Variants in DCAF6 observed in about 807,000 individuals in gnomAD.
The protein encoded by DCAF6 is DDB1- and CUL4-associated factor 6.
DCAF6 carries 54 observed loss-of-function variants against 125.1 expected under a neutral mutation model. The ratio of observed to expected loss-of-function variants is 0.43; its 90% CI spans 0.35 to 0.54. DCAF6 has a LOEUF of 0.54. Ranked by LOEUF, DCAF6 falls within the 20% of genes least tolerant of loss-of-function variation. The pLI is 0.01. For synonymous variants in DCAF6, 371 were observed against 390.4 expected (o/e 0.95, Z 0.58); for missense variants, 934 against 1,161.7 (o/e 0.80, Z 2.85).
At position 167,936,978 on chromosome 1, in the gene DCAF6, G is replaced by A. The variant is rs1215018792; in HGVS notation, c.67G>A (p.Asp23Asn). The change falls in exon 1 of 22, where the codon GAC (aspartate) becomes AAC (asparagine). Residue 23 changes from aspartate to asparagine, a missense_variant. This residue lies in a region of DCAF6 where 309 missense variants were observed against 381.2 expected (regional missense o/e 0.81). Transcript: ENST00000367840. ...GAGGAAAAGGTCCCTCGGGCTGGAG[G>A]ACCCGTCCCGGCTGCGGAGTCGCTA... Reference protein sequence around the residue: ...DVRKRSLGLEDPSRLRSRYLG... With the variant: ...DVRKRSLGLENPSRLRSRYLG... 2 of 1,611,004 alleles carry A rather than the reference G, an allele frequency of 1.2e-6. No homozygotes were observed. Among genetic ancestry groups the A allele is most frequent in the Non-Finnish European group, 1.7e-6 (2 of 1,179,166 alleles).
intron 12 of DCAF6, among the ~76,000 whole-genome samples, chr1:168,024,265 T>G (rs1355627791): frequency 6.6e-6 from 1 of 151,388 alleles, no homozygotes; most frequent in Non-Finnish European, 1.5e-5. Context: ...GGTGATTGCC[T>G]TTATATATTT....
chr1:167,929,263 G>A, the DCAF6 span, among the ~76,000 whole-genome samples: 14 of 152,114 alleles, frequency 9.2e-5, no homozygotes, highest in African/African-American at 3.4e-4. Flanking sequence ...GAAGGTTGAG[G>A]CAGGGGAATC....
At chr1:168,062,834 A>G (rs958972430) in intron 17 of DCAF6, among the ~76,000 whole-genome samples, 3 of 151,708 alleles carry the variant, frequency 2.0e-5, no homozygotes, top group African/African-American at 7.3e-5. Context: ...CTGCTTCATT[A>G]GTTCTAAATT....
At chr1:167,868,114 T>C in the DCAF6 span, among the ~76,000 whole-genome samples, 1 of 152,220 alleles carries the variant, frequency 6.6e-6, no homozygotes, top group African/African-American at 2.4e-5. Flanking sequence ...TATTTCAGAC[T>C]TTCTATGATT....
rs1691901941 is a variant in DCAF6 at position 168,063,682 on chromosome 1, G to A, written c.2362G>A (p.Glu788Lys). The change falls in exon 18 of 22, where the codon GAA becomes AAA. Residue 788 changes from glutamate (E) to lysine (K), a missense_variant. Glu to Lys is a moderately conservative substitution (Grantham distance 56). Coordinates refer to ENST00000367840, the MANE Select transcript of DCAF6 (RefSeq NM_001198956.2). The part of the protein sequence containing the change: ...FRRRKERKEM[E>K]ELDTLNIRRP... ...ACGGAGAAAAGAAAGGAAAGAAATGGAAGAATTGGATACTTTGAACATTAG... is the reference window on the plus strand; with the variant it reads ...ACGGAGAAAAGAAAGGAAAGAAATGAAAGAATTGGATACTTTGAACATTAG... The A allele has an allele frequency of 6.2e-7, 1 of 1,603,292 alleles. No homozygotes were observed. Among genetic ancestry groups the A allele is most frequent in the South Asian group, 1.1e-5 (1 of 89,188 alleles).
At chr1:167,958,767 G>T (rs1197641386) in intron 2 of DCAF6, among the ~76,000 whole-genome samples, 3 of 152,028 alleles carry the variant, frequency 2.0e-5, no homozygotes, top group African/African-American at 7.2e-5. Context: ...TTGAGAGGAA[G>T]GTATGGGAAT....
At chr1:167,869,825 G>C in the DCAF6 span, among the ~76,000 whole-genome samples, 1 of 151,994 alleles carries the variant, frequency 6.6e-6, no homozygotes, top group Non-Finnish European at 1.5e-5. Flanking sequence ...CTAGCCTGCC[G>C]ATTCTCCCAG....
At chr1:167,896,751 T>C in the DCAF6 span, 4 of 1,189,468 alleles carry the variant, frequency 3.4e-6, no homozygotes, top group African/African-American at 6.0e-5. Context: ...TCCTTTGAAG[T>C]GTAATTTCTT....
intron 2 of DCAF6, among the ~76,000 whole-genome samples, chr1:167,965,667 G>A (rs61807028): frequency 0.024 from 3,676 of 151,906 alleles, 71 homozygotes; most frequent in Non-Finnish European, 0.04. Flanking sequence ...TTGCTCTGTC[G>A]CGTAGGCTGG....
At chr1:167,887,255 A>T in the DCAF6 span, among the ~76,000 whole-genome samples, 6 of 152,354 alleles carry the variant, frequency 3.9e-5, no homozygotes, top group African/African-American at 1.4e-4. Context: ...ATGTATGTTT[A>T]TTGTGGCACT....
intron 5 of DCAF6, among the ~76,000 whole-genome samples, chr1:167,989,785 G>C (rs1210431662): frequency 3.3e-5 from 5 of 152,028 alleles, no homozygotes; most frequent in Non-Finnish European, 5.9e-5. Context: ...GGAGGCTGAG[G>C]CTGGAGAATC....
At chr1:167,876,612 T>A in the DCAF6 span, among the ~76,000 whole-genome samples, 1 of 152,222 alleles carries the variant, frequency 6.6e-6, no homozygotes, top group Non-Finnish European at 1.5e-5. Flanking sequence ...TCATACTGTG[T>A]GTGTATTTCT....
At position 167,951,810 on chromosome 1, in the gene DCAF6, A is replaced by G. The variant is rs753590536; in HGVS notation, c.108A>G (p.Glu36=). 6.3e-7 allele frequency: 1 copy of G among 1,594,228 alleles called. No homozygotes were observed. The highest frequency in any genetic ancestry group is 1.1e-5 in the South Asian group (1 of 90,396). The change falls in exon 2 of 22, where the codon GAA becomes GAG. Residue 36 remains glutamate, a synonymous_variant. Transcript: ENST00000367840. Reference sequence around the variant, plus strand: ...TTTCTTTTTAAACAGGAAGAAGAGAATTTATCCAAAGATTAAAACTTGAAG... The same window carrying G: ...TTTCTTTTTAAACAGGAAGAAGAGAGTTTATCCAAAGATTAAAACTTGAAG... ...RLRSRYLGRR[E]FIQRLKLEAT... is the part of the protein sequence containing the mutation.
At chr1:168,051,020 A>C (rs1283255325) in intron 17 of DCAF6, 87 bp downstream of exon 17, 9 of 592,400 alleles carry the variant, frequency 1.5e-5, no homozygotes, top group Non-Finnish European at 2.5e-5. Flanking sequence ...TTTCCTATTA[A>C]CAGTTAATAC....
At chr1:167,989,480 A>G (rs1304251542) in intron 5 of DCAF6, among the ~76,000 whole-genome samples, 1 of 152,258 alleles carries the variant, frequency 6.6e-6, no homozygotes. Flanking sequence ...ATCCTTAACT[A>G]CTAAAAACTT....
chr1:167,936,885 C>G lies in DCAF6; in HGVS notation c.-27C>G, dbSNP rs772847109. On this transcript the variant is annotated 5_prime_UTR_variant, in exon 1 of 22. Transcript: ENST00000367840. ...CCTCCCCTCCCCCACGCGGTGGTCTCCCCTCCCACCCGGCTCAGGCAGAGC... is the reference window on the plus strand; with the variant it reads ...CCTCCCCTCCCCCACGCGGTGGTCTGCCCTCCCACCCGGCTCAGGCAGAGC... The G allele has an allele frequency of 4.7e-6, 7 of 1,495,362 alleles. No individual in the cohort carries two copies. Among genetic ancestry groups the G allele is most frequent in the Non-Finnish European group, 3.7e-6 (4 of 1,091,784 alleles). The allele number at this position is 1,495,362 out of a possible 1,614,324, so 92.6% of individuals were successfully genotyped here. A position where few individuals can be genotyped will look rare whatever the true frequency, so the allele number is the denominator to read the frequency against.
intron 2 of DCAF6, among the ~76,000 whole-genome samples, chr1:167,957,840 A>C (rs755113040): frequency 2.0e-4 from 31 of 152,148 alleles, no homozygotes; most frequent in Non-Finnish European, 4.4e-4. Context: ...GTGGATGTGA[A>C]GTGGTAATTT....
chr1:168,030,254 A>G (rs1307154312), intron 12 of DCAF6, among the ~76,000 whole-genome samples: 1 of 152,222 alleles, frequency 6.6e-6, no homozygotes, highest in Non-Finnish European at 1.5e-5. Flanking sequence ...AGGAAGAGAC[A>G]TTAAGCTGAG....
chr1:167,906,242 T>C, the DCAF6 span, among the ~76,000 whole-genome samples: 1 of 152,030 alleles, frequency 6.6e-6, no homozygotes, highest in African/African-American at 2.4e-5. Flanking sequence ...CATTTAAAAA[T>C]GTATTTAGTA....
Sources: allele counts gnomAD v4.1 joint callset (sites outside exome capture counted in the v4.1 genomes callset), GRCh38; gene constraint gnomAD v4.1.1; regional missense constraint gnomAD v4.1.1; transcripts MANE v1.5; gene names NCBI Gene and HGNC (gene_info 2026-07-23, HGNC 2026-07-21).